Variants in CSTPP1 observed in about 807,000 individuals in gnomAD.
CSTPP1 encodes centriolar satellite-associated tubulin polyglutamylase complex regulator 1, also known as UPF0705 protein C11orf49.
At chr11:47,161,216 C>A in the CSTPP1 span, 157 of 1,614,038 alleles carry the variant, frequency 9.7e-5, no homozygotes, top group Non-Finnish European at 1.3e-4. Context: ...GAGGATACTG[C>A]CCCCTTGTGG....
At chr11:47,085,886 A>AT in the CSTPP1 span, among the ~76,000 whole-genome samples, 1 of 151,556 alleles carries the variant, frequency 6.6e-6, no homozygotes, top group African/African-American at 2.4e-5. Flanking sequence ...TCAAAAAAAA[A>AT]AAAGATACTG....
At chr11:47,106,193 A>G in the CSTPP1 span, among the ~76,000 whole-genome samples, 1 of 152,204 alleles carries the variant, frequency 6.6e-6, no homozygotes, top group Non-Finnish European at 1.5e-5. Context: ...CTTAGCCTCA[A>G]TTACATTGTT....
chr11:46,957,262 T>C, the CSTPP1 span, among the ~76,000 whole-genome samples: 217 of 152,312 alleles, frequency 1.4e-3, no homozygotes, highest in Non-Finnish European at 1.0e-3. Flanking sequence ...CATCCTTACA[T>C]GGATATTACT....
chr11:47,114,999 C>T, the CSTPP1 span, among the ~76,000 whole-genome samples: 4 of 152,104 alleles, frequency 2.6e-5, no homozygotes, highest in Non-Finnish European at 4.4e-5. Context: ...TTTTGAGATA[C>T]GTTCCATCAA....
chr11:47,074,588 G>C, the CSTPP1 span, among the ~76,000 whole-genome samples: 1 of 151,306 alleles, frequency 6.6e-6, no homozygotes, highest in Non-Finnish European at 1.5e-5. Context: ...AAGACATTAA[G>C]ATGGAGACTT....
chr11:47,087,554 C>T, the CSTPP1 span, among the ~76,000 whole-genome samples: 1 of 152,136 alleles, frequency 6.6e-6, no homozygotes, highest in South Asian at 2.1e-4. Context: ...CAAAAATTAG[C>T]TGGGCATGGT....
the CSTPP1 span, among the ~76,000 whole-genome samples, chr11:47,121,830 A>G: frequency 6.6e-6 from 1 of 151,820 alleles, no homozygotes; most frequent in African/African-American, 2.4e-5. Context: ...AATGCCTATA[A>G]TCCCAACACT....
the CSTPP1 span, among the ~76,000 whole-genome samples, chr11:46,938,748 G>A: frequency 2.3e-4 from 34 of 144,898 alleles, no homozygotes; most frequent in African/African-American, 8.3e-4. Flanking sequence ...TTGTATGGAT[G>A]TACCATGCAC....
At chr11:47,064,623 A>G in the CSTPP1 span, among the ~76,000 whole-genome samples, 1 of 152,178 alleles carries the variant, frequency 6.6e-6, no homozygotes, top group Non-Finnish European at 1.5e-5. Context: ...CAAAAGTCAA[A>G]TGACCATATA....
chr11:47,161,094 A>AGAT, the CSTPP1 span: 1 of 1,613,892 alleles, frequency 6.2e-7, no homozygotes, highest in East Asian at 2.2e-5. Context: ...AAGGGCCCTC[A>AGAT]GATTAACTAC....
chr11:46,971,424 T>C, the CSTPP1 span, among the ~76,000 whole-genome samples: 4 of 152,318 alleles, frequency 2.6e-5, no homozygotes, highest in South Asian at 8.3e-4. Flanking sequence ...GAAAGTAATC[T>C]GACAATACAT....
At chr11:46,974,853 T>G in the CSTPP1 span, among the ~76,000 whole-genome samples, 1 of 123,690 alleles carries the variant, frequency 8.1e-6, no homozygotes, top group South Asian at 2.8e-4. Context: ...AGACTCTATC[T>G]CAAAACACAC....
chr11:47,116,666 G>A, the CSTPP1 span, among the ~76,000 whole-genome samples: 2 of 135,500 alleles, frequency 1.5e-5, no homozygotes, highest in East Asian at 4.4e-4. Flanking sequence ...CTTTCCATTT[G>A]CTTGGTAGGT....
At chr11:47,071,654 A>G in the CSTPP1 span, among the ~76,000 whole-genome samples, 1 of 152,126 alleles carries the variant, frequency 6.6e-6, no homozygotes, top group South Asian at 2.1e-4. Flanking sequence ...GCTTACTTAT[A>G]TAGTCCACTA....
chr11:46,997,030 G>A, the CSTPP1 span, among the ~76,000 whole-genome samples: 1 of 152,130 alleles, frequency 6.6e-6, no homozygotes, highest in African/African-American at 2.4e-5. Context: ...ACAATTTTGT[G>A]TCTTGGAGTT....
At chr11:47,156,511 G>T in the CSTPP1 span, among the ~76,000 whole-genome samples, 164 of 152,316 alleles carry the variant, frequency 1.1e-3, no homozygotes, top group African/African-American at 3.6e-3. Flanking sequence ...ATTCCAACAC[G>T]CTTTCTTGAG....
At chr11:47,153,584 A>T in the CSTPP1 span, among the ~76,000 whole-genome samples, 556 of 152,146 alleles carry the variant, frequency 3.7e-3, 2 homozygotes, top group African/African-American at 0.013. Flanking sequence ...TGAGCCTCAG[A>T]CTCTTCACGT....
At chr11:47,130,395 A>G in the CSTPP1 span, among the ~76,000 whole-genome samples, 1 of 152,158 alleles carries the variant, frequency 6.6e-6, no homozygotes, top group Admixed American at 6.5e-5. Context: ...GTGTCATTCG[A>G]GGCCATTGCC....
At chr11:47,019,004 A>C in the CSTPP1 span, among the ~76,000 whole-genome samples, 3 of 152,054 alleles carry the variant, frequency 2.0e-5, no homozygotes, top group Non-Finnish European at 4.4e-5. Context: ...TATACAGAGC[A>C]AAAGTTTATT....
Sources: gnomAD v4.1 joint callset for allele counts (sites outside exome capture counted in the v4.1 genomes callset) on GRCh38, gnomAD v4.1.1 for gene constraint, MANE v1.5 for transcripts, NCBI Gene and HGNC (gene_info 2026-07-23, HGNC 2026-07-21) for gene names.